The following IL1RAPL2 variants were observed in gnomAD, a reference collection of about 807,000 sequenced individuals.
IL1RAPL2 encodes the protein X-linked interleukin-1 receptor accessory protein-like 2.
A neutral mutation model predicts 44.1 loss-of-function variants in IL1RAPL2; 3 were observed. The observed-to-expected ratio is 0.07, with a 90% CI of 0.03 to 0.18. The LOEUF is 0.18. IL1RAPL2 is among the 10% of genes least tolerant of loss of function. The pLI is 1.00. For synonymous variants in IL1RAPL2, 181 were observed against 178.8 expected (o/e 1.01, Z -0.10); for missense variants, 391 against 496.4 (o/e 0.79, Z 2.02).
chrX:104,711,653 T>C (rs1602691958), intron 2 of IL1RAPL2, among the ~76,000 whole-genome samples: 1 of 105,183 alleles, frequency 9.5e-6, no homozygotes, highest in East Asian at 3.0e-4. Context: ...GGAAAATGAA[T>C]AGGTAGAACT....
intron 6 of IL1RAPL2, among the ~76,000 whole-genome samples, chrX:105,613,398 C>T (rs906707682): frequency 8.9e-6 from 1 of 112,086 alleles, no homozygotes; most frequent in African/African-American, 3.2e-5. Context: ...TCAGCATATT[C>T]GCAGCTGGGG....
At chrX:105,266,548 A>T (rs2034404589) in intron 4 of IL1RAPL2, among the ~76,000 whole-genome samples, 1 of 112,014 alleles carries the variant, frequency 8.9e-6, no homozygotes, top group Non-Finnish European at 1.9e-5. Context: ...ATACTTGGAT[A>T]TTGTTATATC....
At chrX:105,200,238 A>G (rs1045894842) in intron 3 of IL1RAPL2, among the ~76,000 whole-genome samples, 1 of 112,476 alleles carries the variant, frequency 8.9e-6, no homozygotes, top group African/African-American at 3.2e-5. Flanking sequence ...AATATTTAGT[A>G]ATATTCTCCA....
intron 1 of IL1RAPL2, among the ~76,000 whole-genome samples, chrX:104,651,045 A>C (rs1930143895): frequency 8.9e-6 from 1 of 112,226 alleles, no homozygotes; most frequent in African/African-American, 3.2e-5. Context: ...TGGCCCACAC[A>C]AAGTGCTCAA....
intron 5 of IL1RAPL2, among the ~76,000 whole-genome samples, chrX:105,300,755 G>A (rs1053018430): frequency 9.0e-6 from 1 of 111,116 alleles, no homozygotes. Flanking sequence ...TGAGTTGGTG[G>A]AAAAATTTAG....
intron 5 of IL1RAPL2, among the ~76,000 whole-genome samples, chrX:105,382,631 A>G (rs2035442390): frequency 1.9e-5 from 2 of 105,668 alleles, no homozygotes; most frequent in Admixed American, 2.0e-4. Flanking sequence ...TATATACCCA[A>G]AGGATTATAA....
chrX:105,491,684 A>G (rs1003709480), intron 6 of IL1RAPL2, among the ~76,000 whole-genome samples: 2 of 111,828 alleles, frequency 1.8e-5, no homozygotes, highest in Non-Finnish European at 3.8e-5. Flanking sequence ...GCTTAGCGTG[A>G]GCTACCCCAA....
intron 2 of IL1RAPL2, among the ~76,000 whole-genome samples, chrX:104,900,846 A>G (rs1169301170): frequency 1.8e-5 from 2 of 112,086 alleles, no homozygotes; most frequent in Non-Finnish European, 1.9e-5. Flanking sequence ...AGGAGCTACA[A>G]AGACCTATGG....
intron 1 of IL1RAPL2, among the ~76,000 whole-genome samples, chrX:104,572,166 A>G (rs1347264333): frequency 9.0e-6 from 1 of 111,666 alleles, no homozygotes; most frequent in African/African-American, 3.3e-5. Context: ...GTCTGTCCAA[A>G]TTGGGAAACT....
chrX:105,396,518 A>C (rs1004882789), intron 5 of IL1RAPL2, among the ~76,000 whole-genome samples: 5 of 98,755 alleles, frequency 5.1e-5, no homozygotes, highest in Non-Finnish European at 1.0e-4. Context: ...CTTTTCCTCT[A>C]TGTCTTTTAT....
intron 2 of IL1RAPL2, among the ~76,000 whole-genome samples, chrX:104,779,368 C>G (rs1327624569): frequency 1.8e-5 from 2 of 111,788 alleles, no homozygotes; most frequent in Non-Finnish European, 3.8e-5. Context: ...CAGGTACAAA[C>G]AGTCTCCTCA....
intron 5 of IL1RAPL2, among the ~76,000 whole-genome samples, chrX:105,476,711 C>A (rs1376932638): frequency 8.9e-6 from 1 of 112,058 alleles, no homozygotes; most frequent in Non-Finnish European, 1.9e-5. Context: ...TAATAACAAG[C>A]TGAAATAAAA....
intron 2 of IL1RAPL2, among the ~76,000 whole-genome samples, chrX:104,842,812 T>C (rs1483406962): frequency 8.9e-6 from 1 of 112,407 alleles, no homozygotes; most frequent in Admixed American, 9.3e-5. Context: ...AGCTCTCCTG[T>C]ATGAGGTGTC....
intron 2 of IL1RAPL2, among the ~76,000 whole-genome samples, chrX:104,870,895 T>C (rs758168199): frequency 3.1e-4 from 35 of 111,382 alleles, no homozygotes; most frequent in Non-Finnish European, 5.9e-4. Flanking sequence ...GCTTTCTGTC[T>C]GTCACTTATC....
intron 2 of IL1RAPL2, among the ~76,000 whole-genome samples, chrX:104,976,772 C>T (rs2030343876): frequency 9.1e-6 from 1 of 110,453 alleles, no homozygotes; most frequent in African/African-American, 3.3e-5. Context: ...GTGGGGCATC[C>T]AACAGTGAAC....
In IL1RAPL2 at chrX:105,036,530, C is replaced by G. The variant is rs141329036; in HGVS notation, c.83-158945C>G. ...AAAAAGGCATCAGTGAGATATCTTACAGGACCATTTACTAAAATAAAATAA... is the reference window on the plus strand; with the variant it reads ...AAAAAGGCATCAGTGAGATATCTTAGAGGACCATTTACTAAAATAAAATAA... On this transcript the variant is annotated intron_variant, in intron 2 of 10. Transcript: ENST00000372582. 2.3e-3 allele frequency among the ~76,000 whole-genome samples: 249 copies of G among 109,211 alleles called. 1 individual carries two copies. The highest frequency in any genetic ancestry group is 8.2e-3 in the African/African-American group (233 of 28,268). The allele number at this position is 109,211 out of a possible 115,157, so 94.8% of individuals were successfully genotyped here. A position where few individuals can be genotyped will look rare whatever the true frequency, so the allele number is the denominator to read the frequency against.
In IL1RAPL2 at chrX:105,606,488, A is replaced by G. The variant is rs1205059632; in HGVS notation, c.773-110879A>G. Among the ~76,000 whole-genome samples the G allele has an allele frequency of 2.7e-5, 3 of 111,522 alleles. No individual in the cohort carries two copies. The Admixed American group carries it at 2.9e-4, about 11-fold the overall frequency. Reference sequence around the variant, plus strand: ...TAGTAAAGCCATTATGGAGAACAGTATGGAGGTTCCTCAGAAAAATTAAAA... The same window carrying G: ...TAGTAAAGCCATTATGGAGAACAGTGTGGAGGTTCCTCAGAAAAATTAAAA... On this transcript the variant is annotated intron_variant, in intron 6 of 10. Coordinates refer to ENST00000372582, the MANE Select transcript of IL1RAPL2 (RefSeq NM_017416.2).
At chrX:105,705,789 G>A (rs2038161155) in intron 6 of IL1RAPL2, among the ~76,000 whole-genome samples, 1 of 111,373 alleles carries the variant, frequency 9.0e-6, no homozygotes, top group African/African-American at 3.3e-5. Flanking sequence ...CATATTTAAC[G>A]TATCCCCAAA....
At chrX:104,770,446 C>T (rs1932623165) in intron 2 of IL1RAPL2, among the ~76,000 whole-genome samples, 2 of 111,589 alleles carry the variant, frequency 1.8e-5, no homozygotes, top group Admixed American at 1.9e-4. Context: ...ACCACCACCC[C>T]CATCATCATC....
Sources: allele counts gnomAD v4.1 joint callset (sites outside exome capture counted in the v4.1 genomes callset), GRCh38; gene constraint gnomAD v4.1.1; transcripts MANE v1.5; gene names NCBI Gene and HGNC (gene_info 2026-07-23, HGNC 2026-07-21).